Variants in KIRREL3 observed in about 807,000 individuals in gnomAD.
The protein encoded by KIRREL3 is kin of IRRE-like protein 3.
In KIRREL3, 36 loss-of-function variants were observed where a neutral mutation model predicts 89.7. The ratio of observed to expected loss-of-function variants is 0.40; its 90% CI spans 0.31 to 0.53. The LOEUF (loss-of-function observed/expected upper bound fraction) is 0.53. Among genes scored for constraint, KIRREL3 ranks in the 20% least tolerant of loss-of-function variants. The pLI is 0.49. For synonymous variants in KIRREL3, 445 were observed against 441.4 expected (o/e 1.01, Z -0.10); for missense variants, 864 against 1,056.6 (o/e 0.82, Z 2.53).
At chr11:126,834,069 C>G (rs982922896) in intron 1 of KIRREL3, among the ~76,000 whole-genome samples, 2 of 152,156 alleles carry the variant, frequency 1.3e-5, no homozygotes, top group Admixed American at 6.5e-5. Flanking sequence ...GATTCTTTTT[C>G]TACTTTATAA....
chr11:126,833,088 A>G (rs1251813892), intron 1 of KIRREL3, among the ~76,000 whole-genome samples: 1 of 152,168 alleles, frequency 6.6e-6, no homozygotes, highest in Non-Finnish European at 1.5e-5. Flanking sequence ...AGGATCATTC[A>G]GGTTCTCTTA....
At chr11:126,665,009 C>T (rs1299536889) in intron 1 of KIRREL3, among the ~76,000 whole-genome samples, 2 of 152,206 alleles carry the variant, frequency 1.3e-5, no homozygotes, top group Non-Finnish European at 2.9e-5. Flanking sequence ...TTGCTTCTCA[C>T]AATGAGCAGA....
rs1283077076 is a variant in KIRREL3 at position 126,608,026 on chromosome 11, C to T, written c.56-45114G>A. 6.6e-6 allele frequency among the ~76,000 whole-genome samples: 1 copy of T among 152,106 alleles called. No individual in the cohort carries two copies. Among genetic ancestry groups the T allele is most frequent in the Non-Finnish European group, 1.5e-5 (1 of 68,036 alleles). On this transcript the variant is annotated intron_variant, in intron 1 of 16. Transcript: ENST00000525144. The surrounding 1 kb of genome is among the most constrained non-coding windows in gnomAD (Gnocchi z 4.9). ...CCTTTCTCATCATCTCCCGTGCCTG[C>T]CGTGCTGTCTCTTACCAACCCAGGA...
At chr11:126,633,542 C>T (rs376422510) in intron 1 of KIRREL3, among the ~76,000 whole-genome samples, 55 of 152,210 alleles carry the variant, frequency 3.6e-4, no homozygotes, top group African/African-American at 9.9e-4. Flanking sequence ...ACCTCCCCCT[C>T]GCCTTGCTTC....
intron 1 of KIRREL3, among the ~76,000 whole-genome samples, chr11:126,567,782 C>T (rs1037544771): frequency 4.7e-5 from 7 of 150,326 alleles, no homozygotes; most frequent in African/African-American, 1.4e-4. Flanking sequence ...GGGTGAGGAC[C>T]GTATTGGCCA....
intron 1 of KIRREL3, among the ~76,000 whole-genome samples, chr11:126,599,255 C>T (rs1238138690): frequency 2.6e-5 from 4 of 152,210 alleles, no homozygotes; most frequent in Non-Finnish European, 5.9e-5. Context: ...CAGGAGTCTG[C>T]ACACCCAATT....
chr11:126,880,432 C>T (rs1218099928), intron 1 of KIRREL3, among the ~76,000 whole-genome samples: 1 of 152,176 alleles, frequency 6.6e-6, no homozygotes, highest in Admixed American at 6.5e-5. Flanking sequence ...ACCTCTTTCA[C>T]TGCCACATCA....
chr11:126,510,915 A>G (rs1958198880), intron 4 of KIRREL3, among the ~76,000 whole-genome samples: 1 of 152,074 alleles, frequency 6.6e-6, no homozygotes, highest in Admixed American at 6.5e-5. Flanking sequence ...CCCATCTCCC[A>G]TGGCCTGAGT....
At chr11:126,998,604 T>C (rs1187953686) in intron 1 of KIRREL3, among the ~76,000 whole-genome samples, 1 of 152,154 alleles carries the variant, frequency 6.6e-6, no homozygotes, top group Non-Finnish European at 1.5e-5. Flanking sequence ...TAGGTAAATA[T>C]TTAAAGATTC....
intron 1 of KIRREL3, among the ~76,000 whole-genome samples, chr11:126,944,731 C>G (rs1948568277): frequency 6.6e-6 from 1 of 152,188 alleles, no homozygotes; most frequent in South Asian, 2.1e-4. Flanking sequence ...CCAGCCTTCC[C>G]CAGCTCCTCT....
Position 126,909,046 on chromosome 11 carries a change from G to A in KIRREL3, c.55+91409C>T, listed in dbSNP as rs972999257. Among the ~76,000 whole-genome samples, 1 of 152,056 alleles carries A rather than the reference G, an allele frequency of 6.6e-6. No individual in the cohort carries two copies. Among genetic ancestry groups the A allele is most frequent in the Non-Finnish European group, 1.5e-5 (1 of 67,986 alleles). The stretch of plus-strand genomic sequence containing the variant: ...TTGTGTTATTTTTTATTGTTGATTT[G>A]TATTTTTCAAATATTGTCTATTCAC... On this transcript the variant is annotated intron_variant, in intron 1 of 16. Transcript: ENST00000525144. This position sits in a 1 kb window ranked among gnomAD's most constrained non-coding sequence, Gnocchi z 4.5.
chr11:126,615,013 G>C lies in KIRREL3; in HGVS notation c.56-52101C>G, dbSNP rs1034910157. On this transcript the variant is annotated intron_variant, in intron 1 of 16. Coordinates refer to ENST00000525144, the MANE Select transcript of KIRREL3 (RefSeq NM_032531.4). This position sits in a 1 kb window ranked among gnomAD's most constrained non-coding sequence, Gnocchi z 5.4. ...GGGGACTTGGGGAGAGGCGTGATTTGCGGTCTTCAAGAGGCTGAAAGGCTG... is the reference window on the plus strand; with the variant it reads ...GGGGACTTGGGGAGAGGCGTGATTTCCGGTCTTCAAGAGGCTGAAAGGCTG... Among the ~76,000 whole-genome samples, 1 of 152,128 alleles carries C rather than the reference G, an allele frequency of 6.6e-6. No individual in the cohort carries two copies. Among genetic ancestry groups the C allele is most frequent in the African/African-American group, 2.4e-5 (1 of 41,428 alleles).
Position 126,555,969 on chromosome 11 carries a change from T to C in KIRREL3, c.133+6866A>G, listed in dbSNP as rs1320399187. On this transcript the variant is annotated intron_variant, in intron 2 of 16. Transcript: ENST00000525144. The surrounding 1 kb of genome is among the most constrained non-coding windows in gnomAD (Gnocchi z 4.2). The stretch of plus-strand genomic sequence containing the variant: ...TTTGGCCAGGCTGGTCTCAAACTCC[T>C]GACCTCAGGTGATCCACCTGCCTTG... Among the ~76,000 whole-genome samples the C allele has an allele frequency of 6.6e-6, 1 of 152,210 alleles. No homozygotes were observed. The highest frequency in any genetic ancestry group is 2.4e-5 in the African/African-American group (1 of 41,462).
intron 1 of KIRREL3, among the ~76,000 whole-genome samples, chr11:126,855,059 C>T (rs923907865): frequency 1.3e-5 from 2 of 152,158 alleles, no homozygotes; most frequent in African/African-American, 4.8e-5. Context: ...GTCATCCCAG[C>T]GGCAGTCTGG....
rs1943647536 is a variant in KIRREL3 at position 126,623,309 on chromosome 11, CTTGG to C, written c.56-60401_56-60398del. On this transcript the variant is annotated intron_variant, in intron 1 of 16. Transcript: ENST00000525144. The surrounding 1 kb of genome is among the most constrained non-coding windows in gnomAD (Gnocchi z 4.1). ...TGCCTCCCTGGAAACCAGGCCTGTC[CTTGG>C]TGGTGTATGAGCAGGCCCCTGGGAT... Among the ~76,000 whole-genome samples the C allele has an allele frequency of 6.6e-6, 1 of 152,112 alleles. No individual in the cohort carries two copies. Among genetic ancestry groups the C allele is most frequent in the Non-Finnish European group, 1.5e-5 (1 of 68,016 alleles).
chr11:126,966,906 C>T (rs927857948), intron 1 of KIRREL3, among the ~76,000 whole-genome samples: 18 of 152,190 alleles, frequency 1.2e-4, no homozygotes, highest in African/African-American at 4.3e-4. Flanking sequence ...TTAATGCAGT[C>T]CACAGAAATC....
chr11:126,514,283 A>G (rs1410401392), intron 4 of KIRREL3, among the ~76,000 whole-genome samples: 1 of 152,190 alleles, frequency 6.6e-6, no homozygotes, highest in African/African-American at 2.4e-5. Context: ...TGCAGGAAAC[A>G]GCCACATAGC....
At chr11:126,425,045 G>A (rs1954886960) in intron 16 of KIRREL3, 22 bp from the exon 17 acceptor site, 2 of 1,494,844 alleles carry the variant, frequency 1.3e-6, no homozygotes, top group Non-Finnish European at 1.8e-6. Flanking sequence ...AGAGGAAGAG[G>A]AGCGTCACCT....
chr11:126,571,191 C>T lies in KIRREL3; in HGVS notation c.56-8279G>A, dbSNP rs1189582150. Among the ~76,000 whole-genome samples the T allele has an allele frequency of 1.3e-5, 2 of 152,182 alleles. No individual in the cohort carries two copies. Among genetic ancestry groups the T allele is most frequent in the Non-Finnish European group, 2.9e-5 (2 of 68,032 alleles). On this transcript the variant is annotated intron_variant, in intron 1 of 16. Coordinates refer to ENST00000525144, the MANE Select transcript of KIRREL3 (RefSeq NM_032531.4). This position sits in a 1 kb window ranked among gnomAD's most constrained non-coding sequence, Gnocchi z 7.7. ...TTTGGGCTGGCTTTTTGATACCTTG[C>T]CTAGCTCTTATCATCTTTCTCTCCT...
Sources: gnomAD v4.1 joint callset for allele counts (sites outside exome capture counted in the v4.1 genomes callset) on GRCh38, gnomAD v4.1.1 for gene constraint, Gnocchi (gnomAD v3.1) non-coding constraint, MANE v1.5 for transcripts, NCBI Gene and HGNC (gene_info 2026-07-23, HGNC 2026-07-21) for gene names.